MGRN1: variants seen among roughly 807,000 people sequenced by gnomAD.
MGRN1 encodes the protein mahogunin ring finger 1, also known as E3 ubiquitin-protein ligase MGRN1.
A neutral mutation model predicts 69.2 loss-of-function variants in MGRN1; 29 were observed. The ratio of observed to expected loss-of-function variants is 0.42; its 90% confidence interval spans 0.31 to 0.57. The LOEUF (loss-of-function observed/expected upper bound fraction) is 0.57. Ranked by LOEUF, MGRN1 falls within the 20% of genes least tolerant of loss-of-function variation. The pLI is 0.15. For synonymous variants in MGRN1, 470 were observed against 344.2 expected (o/e 1.37, Z -4.04); for missense variants, 998 against 796.2 (o/e 1.25, Z -3.05).
Position 4,680,122 on chromosome 16 carries a change from GT to G in MGRN1, c.1131+32del, listed in dbSNP as rs754173932. 8.7e-6 allele frequency: 14 copies of G among 1,610,670 alleles called. No individual in the cohort carries two copies. In the Middle Eastern group the frequency reaches 8.2e-4, roughly 95 times the overall value. On this transcript the variant is annotated intron_variant, in intron 12 of 16. Coordinates refer to ENST00000262370, the MANE Select transcript of MGRN1 (RefSeq NM_015246.4). ...AGTAAGTGTCTGGTCCTCCGGCTAC[GT>G]TTTTTTGCCCCCGCCCTCATTTTTA...
intron 1 of MGRN1, 47 bp from the exon 2 acceptor site, chr16:4,650,318 A>G: frequency 6.5e-6 from 1 of 154,586 alleles, no homozygotes; most frequent in Non-Finnish European, 1.2e-5. Context: ...ACTCTGTCTC[A>G]AAAAAAAAAA....
In MGRN1 at chr16:4,688,951, A is replaced by C. The variant is rs2079399114; in HGVS notation, c.*43A>C. 2 of 1,509,176 alleles carry C rather than the reference A, an allele frequency of 1.3e-6. No individual in the cohort carries two copies. The highest frequency in any genetic ancestry group is 1.2e-5 in the South Asian group (1 of 81,560). The allele number at this position is 1,509,176 out of a possible 1,614,324, so 93.5% of individuals were successfully genotyped here. A position where few individuals can be genotyped will look rare whatever the true frequency, so the allele number is the denominator to read the frequency against. On this transcript the variant is annotated 3_prime_UTR_variant, in exon 17 of 17. Coordinates refer to ENST00000262370, the MANE Select transcript of MGRN1 (RefSeq NM_015246.4). The stretch of plus-strand genomic sequence containing the variant: ...CAGCATGGAGCCCTCGGCTCCCCAG[A>C]CTTTGCCGAGGGGCTGCTCCGGACC...
At chr16:4,653,034 A>G (rs1192543181) in intron 4 of MGRN1, among the ~76,000 whole-genome samples, 1 of 152,178 alleles carries the variant, frequency 6.6e-6, no homozygotes, top group African/African-American at 2.4e-5. Context: ...GACTGGTTTC[A>G]GTTCCAACGC....
chr16:4,639,011 G>T (rs2078098193), intron 1 of MGRN1, among the ~76,000 whole-genome samples: 2 of 152,300 alleles, frequency 1.3e-5, no homozygotes, highest in South Asian at 4.1e-4. Flanking sequence ...AGGGGTCCCA[G>T]TGAGAATGTC....
chr16:4,643,986 T>G (rs146809739), intron 1 of MGRN1, among the ~76,000 whole-genome samples: 3,560 of 152,174 alleles, frequency 0.023, 60 homozygotes, highest in South Asian at 0.044. Context: ...TTGTTTGTTT[T>G]TTTTGAGATG....
At chr16:4,688,337 A>G in intron 16 of MGRN1, 1 of 989,156 alleles carries the variant, frequency 1.0e-6, no homozygotes, top group Non-Finnish European at 1.2e-6. Context: ...TGCAGTAGCC[A>G]TCCGGGGGCT....
At chr16:4,674,666 C>A (rs1308781641) in intron 10 of MGRN1, among the ~76,000 whole-genome samples, 1 of 96,064 alleles carries the variant, frequency 1.0e-5, no homozygotes, top group Non-Finnish European at 1.9e-5. Flanking sequence ...CGGAGTCTCG[C>A]TCTGTCGCCC....
At chr16:4,641,058 A>C (rs1305317370) in intron 1 of MGRN1, among the ~76,000 whole-genome samples, 1 of 152,038 alleles carries the variant, frequency 6.6e-6, no homozygotes, top group Non-Finnish European at 1.5e-5. Context: ...TTTCACCTCC[A>C]CAGCTGCCTT....
chr16:4,659,596 G>C (rs2078630171), intron 5 of MGRN1, among the ~76,000 whole-genome samples: 1 of 152,396 alleles, frequency 6.6e-6, no homozygotes, highest in South Asian at 2.1e-4. Context: ...CCTTTGGTGA[G>C]GGTTTGCTGA....
At chr16:4,662,999 C>G (rs1278271920) in intron 5 of MGRN1, among the ~76,000 whole-genome samples, 1 of 152,230 alleles carries the variant, frequency 6.6e-6, no homozygotes, top group Non-Finnish European at 1.5e-5. Context: ...GGAGGCTCTC[C>G]CCTCACCCAA....
intron 10 of MGRN1, among the ~76,000 whole-genome samples, chr16:4,675,857 G>T (rs117618880): frequency 0.018 from 2,799 of 152,320 alleles, 47 homozygotes; most frequent in Non-Finnish European, 0.025. Context: ...GCCGCTCGTA[G>T]GGCCCCGTTC....
At chr16:4,635,857 C>T (rs1444911349) in intron 1 of MGRN1, among the ~76,000 whole-genome samples, 3 of 149,578 alleles carry the variant, frequency 2.0e-5, no homozygotes, top group Non-Finnish European at 4.4e-5. Context: ...CCATGTTGGC[C>T]AGGCTGGTCT....
At position 4,661,270 on chromosome 16, in the gene MGRN1, C is replaced by T. The variant is rs116525567; in HGVS notation, c.562-3439C>T. On this transcript the variant is annotated intron_variant, in intron 5 of 16. Coordinates refer to ENST00000262370, the MANE Select transcript of MGRN1 (RefSeq NM_015246.4). ...TTGGGATTATAGGCGTGAGCCACCACGTCAGGCCCACCAGTCTGCAGCTTT... is the reference window on the plus strand; with the variant it reads ...TTGGGATTATAGGCGTGAGCCACCATGTCAGGCCCACCAGTCTGCAGCTTT... Among the ~76,000 whole-genome samples, 545 of 152,298 alleles carry T rather than the reference C, an allele frequency of 3.6e-3. 3 individuals are homozygous for T. The highest frequency in any genetic ancestry group is 0.012 in the African/African-American group (519 of 41,544).
intron 5 of MGRN1, chr16:4,664,429 A>T: frequency 2.1e-6 from 1 of 478,940 alleles, no homozygotes; most frequent in Non-Finnish European, 3.8e-6. Flanking sequence ...AAAGTTCTGG[A>T]AATGGATGGT....
rs2079396204 is a variant in MGRN1 at position 4,688,834 on chromosome 16, A to G, written c.1657A>G (p.Thr553Ala). Residue 553 changes from threonine to alanine, a missense_variant, in exon 17 of 17, where the codon ACC becomes GCC. Coordinates refer to ENST00000262370, the MANE Select transcript of MGRN1 (RefSeq NM_015246.4). ...TSMETAHGLA[T>A]TSPTWPPLGG... Reference sequence around the variant, plus strand: ...CATGGAGACGGCCCACGGCCTCGCCACCACCAGCCCCACCTGGCCTCCACT... The same window carrying G: ...CATGGAGACGGCCCACGGCCTCGCCGCCACCAGCCCCACCTGGCCTCCACT... 6.4e-7 allele frequency: 1 copy of G among 1,553,640 alleles called. No individual in the cohort carries two copies. Among genetic ancestry groups the G allele is most frequent in the Non-Finnish European group, 8.7e-7 (1 of 1,148,364 alleles).
At chr16:4,653,071 C>G (rs965398147) in intron 4 of MGRN1, among the ~76,000 whole-genome samples, 2 of 152,206 alleles carry the variant, frequency 1.3e-5, no homozygotes, top group Non-Finnish European at 2.9e-5. Flanking sequence ...AACCCCTGCA[C>G]TTTGAGGGCC....
In MGRN1 at chr16:4,657,242, GCAGATA is replaced by G; in HGVS notation, c.444_449del (p.Tyr149_Ser150del). 1 of 1,613,264 alleles carries G rather than the reference GCAGATA, an allele frequency of 6.2e-7. No individual in the cohort carries two copies. Among genetic ancestry groups the G allele is most frequent in the Non-Finnish European group, 8.5e-7 (1 of 1,179,334 alleles). ...CCTCACTGCTTGCTCCTGGCTCCCTGCAGATACAGCCCCAAGAGCCCCTCGCTACAG... is the reference window on the plus strand; with the variant it reads ...CCTCACTGCTTGCTCCTGGCTCCCTGCAGCCCCAAGAGCCCCTCGCTACAG... On this transcript the variant is annotated splice_acceptor_variant and splice_polypyrimidine_tract_variant and coding_sequence_variant and intron_variant, in exon 5 of 17. Coordinates refer to ENST00000262370, the MANE Select transcript of MGRN1 (RefSeq NM_015246.4). LOFTEE classifies it high-confidence loss of function.
intron 1 of MGRN1, among the ~76,000 whole-genome samples, chr16:4,626,488 C>T (rs77116097): frequency 0.11 from 16,191 of 152,232 alleles, 1,228 homozygotes; most frequent in South Asian, 0.24. Flanking sequence ...ATCTGTAAAA[C>T]GGGCTGATGC....
intron 1 of MGRN1, among the ~76,000 whole-genome samples, chr16:4,644,305 GTTTTTTTTT>G (rs79613493): frequency 9.3e-6 from 1 of 107,590 alleles, no homozygotes; most frequent in South Asian, 3.1e-4. Context: ...TCAATTACCA[GTTTTTTTTT>G]TTTTTTTTTT....
Sources: allele counts gnomAD v4.1 joint callset (sites outside exome capture counted in the v4.1 genomes callset), GRCh38; gene constraint gnomAD v4.1.1; transcripts MANE v1.5; gene names NCBI Gene and HGNC (gene_info 2026-07-23, HGNC 2026-07-21).